The following CPNE4 variants were observed in gnomAD, a reference collection of about 807,000 sequenced individuals.
CPNE4 encodes copine-4.
Under a neutral mutation model 67.9 loss-of-function variants are expected in CPNE4, and 25 were observed. The ratio of observed to expected loss-of-function variants is 0.37; its 90% CI spans 0.27 to 0.51. The LOEUF is 0.51. CPNE4 is among the 20% of genes least tolerant of loss of function. The probability of loss-of-function intolerance (pLI) is 0.93; values close to 1 mark genes in which losing one functional copy is unlikely to be tolerated. For missense variants in CPNE4, 464 were observed against 690.8 expected (o/e 0.67, Z 3.68); for synonymous variants, 242 against 244.9 (o/e 0.99, Z 0.11).
intron 1 of CPNE4, among the ~76,000 whole-genome samples, chr3:131,978,087 A>ATTTATATG (rs1491325727): frequency 3.1e-5 from 1 of 32,216 alleles, no homozygotes; most frequent in African/African-American, 2.0e-4. Context: ...AAATATATAT[A>ATTTATATG]AATATATATA....
At chr3:131,796,551 C>T (rs1014618711) in intron 2 of CPNE4, among the ~76,000 whole-genome samples, 2 of 152,170 alleles carry the variant, frequency 1.3e-5, no homozygotes, top group African/African-American at 4.8e-5. Context: ...CAAATAAATA[C>T]ATTTTTTCTA....
At chr3:131,750,937 GTTCTT>G (rs1280123924) in intron 2 of CPNE4, among the ~76,000 whole-genome samples, 1 of 152,052 alleles carries the variant, frequency 6.6e-6, no homozygotes, top group Non-Finnish European at 1.5e-5. Flanking sequence ...TGAGTTGATA[GTTCTT>G]TTCTTTTAGA....
chr3:132,009,221 A>G (rs76681820), intron 1 of CPNE4, among the ~76,000 whole-genome samples: 206 of 152,134 alleles, frequency 1.4e-3, no homozygotes, highest in African/African-American at 4.6e-3. Context: ...TAAAGGAAAA[A>G]AATGCAATAG....
intron 7 of CPNE4, among the ~76,000 whole-genome samples, chr3:131,659,616 A>T (rs2080072792): frequency 6.6e-6 from 1 of 152,214 alleles, no homozygotes; most frequent in South Asian, 2.1e-4. Context: ...ACATTTTTTA[A>T]AAAAATCAAA....
intron 1 of CPNE4, among the ~76,000 whole-genome samples, chr3:132,008,914 C>T (rs1391541743): frequency 6.6e-6 from 1 of 152,200 alleles, no homozygotes; most frequent in Non-Finnish European, 1.5e-5. Context: ...TAGCCTTTTG[C>T]ATCCTGGGAT....
rs897767697 is a variant in CPNE4 at position 131,558,548 on chromosome 3, C to A, written c.1062-2997G>T. ...TAGTATAAAATACAATAAAAAAAAACCCTACGTGCTTCAATGGTAATGAGT... is the reference window on the plus strand; with the variant it reads ...TAGTATAAAATACAATAAAAAAAAAACCTACGTGCTTCAATGGTAATGAGT... On this transcript the variant is annotated intron_variant, in intron 11 of 15. Coordinates refer to ENST00000429747, the MANE Select transcript of CPNE4 (RefSeq NM_130808.3). 1.1e-4 allele frequency among the ~76,000 whole-genome samples: 16 copies of A among 151,608 alleles called. No individual in the cohort carries two copies. In the East Asian group the frequency reaches 1.9e-3, roughly 18 times the overall value.
chr3:132,000,428 A>G (rs568300443), intron 1 of CPNE4, among the ~76,000 whole-genome samples: 98 of 152,164 alleles, frequency 6.4e-4, no homozygotes, highest in African/African-American at 2.1e-3. Flanking sequence ...ACAGAGCACA[A>G]AATTTCTTGA....
chr3:131,680,524 ACT>A (rs1560104153), intron 6 of CPNE4, among the ~76,000 whole-genome samples: 5 of 151,592 alleles, frequency 3.3e-5, no homozygotes. Context: ...TATTTTAATG[ACT>A]CTGTCTTGAA....
intron 1 of CPNE4, among the ~76,000 whole-genome samples, chr3:131,977,442 A>G (rs570290883): frequency 1.3e-5 from 2 of 152,264 alleles, no homozygotes; most frequent in South Asian, 4.1e-4. Context: ...TCATACCTCA[A>G]TTAGAGCCTA....
intron 15 of CPNE4, chr3:131,537,812 T>C (rs1420624262): frequency 1.3e-5 from 2 of 155,932 alleles, no homozygotes; most frequent in African/African-American, 4.8e-5. Context: ...GCTCTGACAC[T>C]ATTGAATCAC....
At chr3:131,694,829 G>T (rs2107693396) in intron 5 of CPNE4, among the ~76,000 whole-genome samples, 1 of 152,290 alleles carries the variant, frequency 6.6e-6, no homozygotes, top group African/African-American at 2.4e-5. Flanking sequence ...TGAGTGATTT[G>T]CATCAACATC....
intron 3 of CPNE4, among the ~76,000 whole-genome samples, chr3:131,712,853 T>A (rs1248280164): frequency 3.9e-5 from 6 of 152,202 alleles, no homozygotes; most frequent in Non-Finnish European, 8.8e-5. Flanking sequence ...TATGTGTAAA[T>A]GCCATGGAGA....
chr3:131,762,856 G>T (rs1457586048), intron 2 of CPNE4, among the ~76,000 whole-genome samples: 7 of 150,496 alleles, frequency 4.7e-5, no homozygotes, highest in African/African-American at 1.7e-4. Context: ...TGTCAGCAAA[G>T]GTTTATTATG....
chr3:131,544,331 T>C (rs1038746198), intron 14 of CPNE4, among the ~76,000 whole-genome samples: 1 of 151,898 alleles, frequency 6.6e-6, no homozygotes, highest in Non-Finnish European at 1.5e-5. Context: ...ACTAAAGAAT[T>C]TCATTTTTTT....
chr3:132,033,840 G>A (rs919393781), intron 1 of CPNE4, among the ~76,000 whole-genome samples: 1 of 152,140 alleles, frequency 6.6e-6, no homozygotes, highest in Non-Finnish European at 1.5e-5. Context: ...AACAGTTCTC[G>A]TGTGTCTGTG....
At chr3:131,968,334 C>T (rs2072407818) in intron 1 of CPNE4, among the ~76,000 whole-genome samples, 2 of 152,160 alleles carry the variant, frequency 1.3e-5, no homozygotes, top group Admixed American at 1.3e-4. Context: ...AAAGCAATTA[C>T]AACAAAGGCC....
At chr3:131,867,544 G>A (rs2087006921) in intron 2 of CPNE4, among the ~76,000 whole-genome samples, 1 of 152,074 alleles carries the variant, frequency 6.6e-6, no homozygotes, top group Admixed American at 6.6e-5. Context: ...TCCTTGAGAG[G>A]TCAATTCGTC....
chr3:131,673,731 C>T (rs1179796234), intron 6 of CPNE4, among the ~76,000 whole-genome samples: 1 of 151,992 alleles, frequency 6.6e-6, no homozygotes, highest in Non-Finnish European at 1.5e-5. Flanking sequence ...TTAGGTTTTT[C>T]CAAATATAAG....
chr3:131,572,962 C>T (rs370650441), intron 10 of CPNE4, among the ~76,000 whole-genome samples: 21 of 152,114 alleles, frequency 1.4e-4, no homozygotes, highest in South Asian at 4.2e-4. Flanking sequence ...AAATAAGACA[C>T]GATACTTTTT....
Sources: gnomAD v4.1 joint callset for allele counts (sites outside exome capture counted in the v4.1 genomes callset) on GRCh38, gnomAD v4.1.1 for gene constraint, MANE v1.5 for transcripts, NCBI Gene and HGNC (gene_info 2026-07-23, HGNC 2026-07-21) for gene names.